Variants in CDC42BPA observed in about 807,000 individuals in gnomAD.
CDC42BPA encodes serine/threonine-protein kinase MRCK alpha.
Under a neutral mutation model 223.5 loss-of-function variants are expected in CDC42BPA, and 80 were observed. That is an observed-to-expected ratio of 0.36 (90% CI 0.30 to 0.43). The LOEUF (loss-of-function observed/expected upper bound fraction) is 0.43. CDC42BPA is among the 20% of genes least tolerant of loss of function. The pLI, the probability that CDC42BPA is intolerant of heterozygous loss-of-function variation, is 1.00. For missense variants in CDC42BPA, 1,743 were observed against 2,099.9 expected (o/e 0.83, Z 3.32); for synonymous variants, 694 against 718.6 (o/e 0.97, Z 0.55).
chr1:227,258,176 GAAAAA>G (rs60156840), intron 1 of CDC42BPA, among the ~76,000 whole-genome samples: 1 of 108,110 alleles, frequency 9.2e-6, no homozygotes, highest in Non-Finnish European at 1.8e-5. Context: ...CCCTGTCCGG[GAAAAA>G]AAAAAAAAAA....
At chr1:227,016,572 G>A (rs1363104608) in intron 33 of CDC42BPA, among the ~76,000 whole-genome samples, 1 of 152,142 alleles carries the variant, frequency 6.6e-6, no homozygotes, top group Non-Finnish European at 1.5e-5. Context: ...TGCTCATGAA[G>A]AGAGTAGTTA....
chr1:227,106,351 A>C (rs922097879), intron 14 of CDC42BPA, among the ~76,000 whole-genome samples: 1 of 152,148 alleles, frequency 6.6e-6, no homozygotes, highest in Non-Finnish European at 1.5e-5. Context: ...GTTATCACAT[A>C]TATGATTTGC....
At position 227,188,250 on chromosome 1, in the gene CDC42BPA, G is replaced by A. The variant is rs969219923; in HGVS notation, c.599+5536C>T. ...TACAAGGGACAAGAACAAGGAATTA[G>A]GATTATTCTGTTATTACAAGGTACT... On this transcript the variant is annotated intron_variant, in intron 5 of 36. Transcript: ENST00000366766. Among the ~76,000 whole-genome samples the A allele has an allele frequency of 6.6e-5, 10 of 152,216 alleles. No individual in the cohort carries two copies. In the Middle Eastern group the frequency reaches 0.01, roughly 155 times the overall value.
At chr1:226,997,081 T>C (rs1390968489) in intron 35 of CDC42BPA, among the ~76,000 whole-genome samples, 1 of 152,252 alleles carries the variant, frequency 6.6e-6, no homozygotes, top group African/African-American at 2.4e-5. Flanking sequence ...TGAATCTGCC[T>C]GGTCCTGCCT....
At chr1:227,194,721 G>A (rs2150160947) in intron 4 of CDC42BPA, among the ~76,000 whole-genome samples, 1 of 152,258 alleles carries the variant, frequency 6.6e-6, no homozygotes, top group South Asian at 2.1e-4. Context: ...GTATTTGTGT[G>A]TACATTATAT....
chr1:227,171,770 T>C (rs1232275134), intron 5 of CDC42BPA, among the ~76,000 whole-genome samples: 1 of 152,150 alleles, frequency 6.6e-6, no homozygotes, highest in East Asian at 1.9e-4. Context: ...CATTAGTTAA[T>C]CTATATAGTT....
intron 3 of CDC42BPA, among the ~76,000 whole-genome samples, chr1:227,203,166 C>A (rs1672085368): frequency 6.6e-6 from 1 of 152,126 alleles, no homozygotes; most frequent in Non-Finnish European, 1.5e-5. Context: ...CCCCAGACAG[C>A]ATATGATTTT....
intron 32 of CDC42BPA, among the ~76,000 whole-genome samples, chr1:227,022,428 C>T (rs1234878542): frequency 2.7e-5 from 4 of 146,532 alleles, no homozygotes; most frequent in Admixed American, 6.8e-5. Flanking sequence ...GTGAGACTCC[C>T]GTCTCAAAAA....
At chr1:227,276,988 T>G (rs1366837285) in intron 1 of CDC42BPA, among the ~76,000 whole-genome samples, 1 of 151,726 alleles carries the variant, frequency 6.6e-6, no homozygotes, top group South Asian at 2.1e-4. Flanking sequence ...CTTGTTCACA[T>G]GTTTATCTGC....
chr1:227,145,505 T>C lies in CDC42BPA; in HGVS notation c.1127A>G (p.Asp376Gly). The change falls in exon 8 of 37, where the codon GAT becomes GGT. Residue 376 changes from aspartate (D) to glycine (G), a missense_variant. Physicochemically the swap from Asp to Gly is moderately conservative, Grantham distance 94. Around this residue, in one of 6 missense-constraint regions of CDC42BPA, gnomAD observed 321 missense variants for 488.7 expected, o/e 0.66. Transcript: ENST00000366766. ...TDTSNFDVDD[D>G]CLKNSETMPP... The stretch of plus-strand genomic sequence containing the variant: ...CATACTTACAGAATTTTTTAAACAA[T>C]CATCATCTACATCAAAATTCGATGT... 1.2e-6 allele frequency: 2 copies of C among 1,613,224 alleles called. No individual in the cohort carries two copies. Among genetic ancestry groups the C allele is most frequent in the South Asian group, 1.1e-5 (1 of 90,938 alleles).
Position 227,051,908 on chromosome 1 carries a change from GGAAGGA to G in CDC42BPA, c.2976_2981del (p.Pro993_Ser994del). On this transcript the variant is annotated inframe_deletion, in exon 22 of 37. Coordinates refer to ENST00000366766, the MANE Select transcript of CDC42BPA (RefSeq NM_001394014.1). Reference sequence around the variant, plus strand: ...TAACTGGCTCAGCTTCACTAGATGTGGAAGGAGATGTGGACCGTGACTGGATGTGAA... The same window carrying G: ...TAACTGGCTCAGCTTCACTAGATGTGGATGTGGACCGTGACTGGATGTGAA... 7.3e-7 allele frequency: 1 copy of G among 1,366,258 alleles called. No individual in the cohort carries two copies. The highest frequency in any genetic ancestry group is 9.8e-7 in the Non-Finnish European group (1 of 1,021,596). The allele number at this position is 1,366,258 out of a possible 1,614,324, so 84.6% of individuals were successfully genotyped here.
At chr1:227,255,446 AAGAGAG>A (rs35829988) in intron 1 of CDC42BPA, among the ~76,000 whole-genome samples, 1 of 151,842 alleles carries the variant, frequency 6.6e-6, no homozygotes, top group African/African-American at 2.4e-5. Context: ...AAGGAAAGGA[AAGAGAG>A]AGAGGATTTC....
At chr1:227,253,948 T>C in intron 2 of CDC42BPA, 116 bp downstream of exon 2, 1 of 718,762 alleles carries the variant, frequency 1.4e-6, no homozygotes, top group Non-Finnish European at 2.5e-6. Context: ...CAATCACAAC[T>C]TAACAAATAT....
intron 21 of CDC42BPA, among the ~76,000 whole-genome samples, chr1:227,057,114 A>T (rs1674738042): frequency 6.6e-6 from 1 of 152,154 alleles, no homozygotes; most frequent in South Asian, 2.1e-4. Context: ...TCTGCTCCAA[A>T]CTCTAAATGA....
intron 5 of CDC42BPA, among the ~76,000 whole-genome samples, chr1:227,168,497 G>GTGTTTTGTTTTTTTTTTTTTTTT (rs1302291274): frequency 1.0e-4 from 8 of 80,196 alleles, no homozygotes; most frequent in African/African-American, 1.5e-4. Context: ...CTTCCCTGGT[G>GTGTTTTGTTTTTTTTTTTTTTTT]TTTTTTTTTT....
At chr1:227,206,155 T>A (rs760287148) in intron 3 of CDC42BPA, among the ~76,000 whole-genome samples, 1 of 152,260 alleles carries the variant, frequency 6.6e-6, no homozygotes, top group African/African-American at 2.4e-5. Flanking sequence ...TAAGGACATC[T>A]GTTAATGAGC....
At chr1:227,067,929 CAA>C (rs1677449598) in intron 21 of CDC42BPA, among the ~76,000 whole-genome samples, 2 of 152,038 alleles carry the variant, frequency 1.3e-5, no homozygotes, top group East Asian at 3.9e-4. Flanking sequence ...TGCTTTAGGA[CAA>C]GAATTACTGT....
rs143291765 is a variant in CDC42BPA, at chr1:227,282,359, A to T, written c.179-28204T>A. Among the ~76,000 whole-genome samples the T allele has an allele frequency of 2.6e-3, 402 of 152,300 alleles. 3 individuals carry two copies. The highest frequency in any genetic ancestry group is 9.4e-3 in the African/African-American group (390 of 41,582). On this transcript the variant is annotated intron_variant, in intron 1 of 36. Coordinates refer to ENST00000366766, the MANE Select transcript of CDC42BPA (RefSeq NM_001394014.1). ...TGATTTCATCACTTCCTAGGAGTTT[A>T]AACCAAAATTAATTAAGCGGTTGTT...
chr1:227,230,792 C>G (rs958458947), intron 2 of CDC42BPA, among the ~76,000 whole-genome samples: 5 of 144,178 alleles, frequency 3.5e-5, no homozygotes, highest in African/African-American at 5.1e-5. Flanking sequence ...ATCCTGCTAA[C>G]TGATTTCTAT....
Sources: gnomAD v4.1 joint callset for allele counts (sites outside exome capture counted in the v4.1 genomes callset) on GRCh38, gnomAD v4.1.1 for gene constraint, gnomAD v4.1.1 regional missense constraint, MANE v1.5 for transcripts, NCBI Gene and HGNC (gene_info 2026-07-23, HGNC 2026-07-21) for gene names.